Variants in KCNMB2 observed in about 807,000 individuals in gnomAD.
KCNMB2 encodes the protein calcium-activated potassium channel subunit beta-2.
KCNMB2 carries 9 observed loss-of-function variants against 24.5 expected under a neutral mutation model. That is an observed-to-expected ratio of 0.37 (90% confidence interval 0.22 to 0.64). The LOEUF (loss-of-function observed/expected upper bound fraction) is 0.64, where lower values mean the gene tolerates loss of function less well. Ranked by LOEUF, KCNMB2 falls within the 30% of genes least tolerant of loss-of-function variation. KCNMB2 has a pLI of 0.63. For synonymous variants in KCNMB2, 109 were observed against 104.4 expected (o/e 1.04, Z -0.27); for missense variants, 226 against 284.3 (o/e 0.79, Z 1.47).
At chr3:178,547,907 T>C (rs1022888098) in intron 1 of KCNMB2, among the ~76,000 whole-genome samples, 3 of 152,234 alleles carry the variant, frequency 2.0e-5, no homozygotes, top group Non-Finnish European at 1.5e-5. Context: ...CTAATAAATC[T>C]ATACTGTCTC....
chr3:178,644,402 C>T (rs1334032441), intron 1 of KCNMB2, among the ~76,000 whole-genome samples: 1 of 152,182 alleles, frequency 6.6e-6, no homozygotes, highest in African/African-American at 2.4e-5. Context: ...AGTCCATGTC[C>T]TCCATGGCGC....
chr3:178,606,925 G>C lies in KCNMB2; in HGVS notation c.-68+70214G>C, dbSNP rs2108512295. ...CCATCATGTGAAGACACAGCAAAAAGACAGCCATCTATGAACCAATAAGTA... is the reference window on the plus strand; with the variant it reads ...CCATCATGTGAAGACACAGCAAAAACACAGCCATCTATGAACCAATAAGTA... On this transcript the variant is annotated intron_variant, in intron 1 of 4. Transcript: ENST00000452583. 1.3e-5 allele frequency among the ~76,000 whole-genome samples: 2 copies of C among 152,244 alleles called. 1 individual carries two copies. The highest frequency in any genetic ancestry group is 4.1e-4 in the South Asian group (2 of 4,824).
At position 178,825,474 on chromosome 3, in the gene KCNMB2, G is replaced by A. The variant is rs780453538; in HGVS notation, c.57-114G>A. On this transcript the variant is annotated intron_variant, in intron 2 of 4. Coordinates refer to ENST00000452583, the MANE Select transcript of KCNMB2 (RefSeq NM_181361.3). Reference sequence around the variant, plus strand: ...AGTGGACACACACTGAGGTCCAGCTGCACTGAAGCAGGTTTGGAGGGCCCT... The same window carrying A: ...AGTGGACACACACTGAGGTCCAGCTACACTGAAGCAGGTTTGGAGGGCCCT... The A allele has an allele frequency of 6.0e-5, 44 of 733,288 alleles. No individual in the cohort carries two copies. In the Admixed American group the frequency reaches 1.1e-3, roughly 19 times the overall value. 45.4% of individuals were successfully genotyped at this position (733,288 alleles called of 1,614,324 possible).
chr3:178,727,118 G>A (rs1722991080), intron 1 of KCNMB2, among the ~76,000 whole-genome samples: 1 of 152,016 alleles, frequency 6.6e-6, no homozygotes, highest in Admixed American at 6.6e-5. Context: ...TGAAGTAACA[G>A]GAAATAGCCA....
chr3:178,552,754 A>G (rs916318555), intron 1 of KCNMB2, among the ~76,000 whole-genome samples: 18 of 152,214 alleles, frequency 1.2e-4, no homozygotes, highest in African/African-American at 4.3e-4. Flanking sequence ...CAAACAATCT[A>G]TTATTCTAAA....
At chr3:178,721,324 A>G (rs1722798692) in intron 1 of KCNMB2, among the ~76,000 whole-genome samples, 1 of 152,104 alleles carries the variant, frequency 6.6e-6, no homozygotes, top group Non-Finnish European at 1.5e-5. Context: ...GTTCTGTTCC[A>G]TTGATCTGTA....
At chr3:178,759,440 TATATATATATATATATATCTCCAAGAGG>T (rs1711598389) in intron 1 of KCNMB2, among the ~76,000 whole-genome samples, 4 of 35,812 alleles carry the variant, frequency 1.1e-4, no homozygotes, top group African/African-American at 3.8e-4. Context: ...AGAGGATATA[TATATATATATATATATATCTCCAAGAGG>T]ATATATATAT....
chr3:178,615,523 A>G (rs1718673275), intron 1 of KCNMB2, among the ~76,000 whole-genome samples: 1 of 152,174 alleles, frequency 6.6e-6, no homozygotes, highest in Admixed American at 6.5e-5. Context: ...CCCTTTCCAA[A>G]GGCAAAGGAG....
At chr3:178,746,106 T>A (rs2108382869) in intron 1 of KCNMB2, among the ~76,000 whole-genome samples, 1 of 152,330 alleles carries the variant, frequency 6.6e-6, no homozygotes, top group South Asian at 2.1e-4. Context: ...AACATTTCCC[T>A]TCTGCATTGC....
intron 1 of KCNMB2, among the ~76,000 whole-genome samples, chr3:178,637,355 CACCAGCAT>C (rs1203297842): frequency 4.6e-5 from 7 of 152,166 alleles, no homozygotes; most frequent in Non-Finnish European, 7.3e-5. Context: ...TATGTGGCTT[CACCAGCAT>C]GATCAAACTA....
chr3:178,591,511 C>T (rs912821050), intron 1 of KCNMB2, among the ~76,000 whole-genome samples: 5 of 152,144 alleles, frequency 3.3e-5, no homozygotes, highest in African/African-American at 7.2e-5. Context: ...GAGCACTCCC[C>T]GTCTCTCATT....
chr3:178,764,331 C>T (rs775766635), intron 1 of KCNMB2, among the ~76,000 whole-genome samples: 80 of 152,048 alleles, frequency 5.3e-4, no homozygotes, highest in Non-Finnish European at 8.7e-4. Context: ...CTTTTTTGGT[C>T]AATGATGAAC....
chr3:178,805,949 G>A (rs953174525), intron 1 of KCNMB2, among the ~76,000 whole-genome samples: 1 of 151,910 alleles, frequency 6.6e-6, no homozygotes, highest in Admixed American at 6.6e-5. Context: ...AAATCTTTAG[G>A]TCATTCATAT....
chr3:178,636,159 C>T (rs544646694), intron 1 of KCNMB2, among the ~76,000 whole-genome samples: 4 of 152,156 alleles, frequency 2.6e-5, no homozygotes, highest in Non-Finnish European at 5.9e-5. Flanking sequence ...CCAAATTTTC[C>T]AAACCCAGCC....
At chr3:178,801,104 C>A (rs542293237) in intron 1 of KCNMB2, among the ~76,000 whole-genome samples, 1 of 151,998 alleles carries the variant, frequency 6.6e-6, no homozygotes, top group Non-Finnish European at 1.5e-5. Flanking sequence ...TGAATAAGAT[C>A]TAGTATTTAA....
intron 1 of KCNMB2, among the ~76,000 whole-genome samples, chr3:178,542,247 T>C (rs1715644337): frequency 6.6e-6 from 1 of 152,206 alleles, no homozygotes; most frequent in Non-Finnish European, 1.5e-5. Context: ...CTACATGATG[T>C]TGGGCAAGTT....
chr3:178,841,101 C>T (rs928563818), intron 4 of KCNMB2, among the ~76,000 whole-genome samples: 1 of 152,198 alleles, frequency 6.6e-6, no homozygotes, highest in South Asian at 2.1e-4. Context: ...TTTCTTCTGT[C>T]AGATATCCTA....
chr3:178,780,173 A>T (rs995103025), intron 1 of KCNMB2, among the ~76,000 whole-genome samples: 2 of 151,828 alleles, frequency 1.3e-5, no homozygotes, highest in Non-Finnish European at 2.9e-5. Context: ...TTCCATCTTC[A>T]AGTTGGTCCC....
chr3:178,689,622 C>T (rs776626578), intron 1 of KCNMB2, among the ~76,000 whole-genome samples: 7 of 152,006 alleles, frequency 4.6e-5, no homozygotes, highest in Non-Finnish European at 7.4e-5. Flanking sequence ...GGAGAGAGAG[C>T]GAGACTCTGT....
Sources: allele counts gnomAD v4.1 joint callset (sites outside exome capture counted in the v4.1 genomes callset), GRCh38; gene constraint gnomAD v4.1.1; transcripts MANE v1.5; gene names NCBI Gene and HGNC (gene_info 2026-07-23, HGNC 2026-07-21).